LIN52: variants seen among roughly 807,000 people sequenced by gnomAD.
The protein encoded by LIN52 is lin-52 DREAM MuvB core complex component.
In LIN52, 4 loss-of-function variants were observed where a neutral mutation model predicts 18.5. That is an observed-to-expected ratio of 0.22 (90% CI 0.11 to 0.49). LIN52 has a LOEUF of 0.49. Among genes scored for constraint, LIN52 ranks in the 20% least tolerant of loss-of-function variants. LIN52 has a pLI of 0.97. For synonymous variants in LIN52, 34 were observed against 45.5 expected (o/e 0.75, Z 1.02); for missense variants, 102 against 139.5 (o/e 0.73, Z 1.35).
chr14:74,200,428 A>G lies in LIN52; in HGVS notation c.*1451A>G, dbSNP rs79316673. 1 of 48,562 alleles carries G rather than the reference A, an allele frequency of 2.1e-5. No homozygotes were observed. The highest frequency in any genetic ancestry group is 5.4e-5 in the African/African-American group (1 of 18,510). The allele number at this position is 48,562 out of a possible 1,614,324, so 3.0% of individuals were successfully genotyped here. The stretch of plus-strand genomic sequence containing the variant: ...ACTCTGTCTCAGAAAAAAAAAAAAA[A>G]AAAAAAAAAAAAAAAGAATATCCCT... On this transcript the variant is annotated 3_prime_UTR_variant, in exon 6 of 6. Coordinates refer to ENST00000555028, the MANE Select transcript of LIN52 (RefSeq NM_001024674.3).
At chr14:74,134,523 A>T (rs1377037577) in intron 5 of LIN52, among the ~76,000 whole-genome samples, 1 of 152,198 alleles carries the variant, frequency 6.6e-6, no homozygotes, top group Non-Finnish European at 1.5e-5. Flanking sequence ...ACTTGAATTG[A>T]TATGGTAGAT....
At chr14:74,088,971 C>T (rs1330156496) in intron 1 of LIN52, among the ~76,000 whole-genome samples, 1 of 152,106 alleles carries the variant, frequency 6.6e-6, no homozygotes, top group Non-Finnish European at 1.5e-5. Flanking sequence ...TACACATTCA[C>T]AGATTTAGCT....
At chr14:74,090,562 C>T (rs1246679342) in intron 1 of LIN52, among the ~76,000 whole-genome samples, 2 of 150,930 alleles carry the variant, frequency 1.3e-5, no homozygotes, top group Non-Finnish European at 2.9e-5. Flanking sequence ...GTCTCAAACT[C>T]CTGACCTTGT....
intron 5 of LIN52, among the ~76,000 whole-genome samples, chr14:74,164,220 A>G (rs2061238883): frequency 6.6e-6 from 1 of 151,426 alleles, no homozygotes; most frequent in Non-Finnish European, 1.5e-5. Context: ...TGACCTCGTG[A>G]TCCGCCTGCC....
chr14:74,099,334 G>A (rs1209176015), intron 4 of LIN52, among the ~76,000 whole-genome samples: 1 of 152,038 alleles, frequency 6.6e-6, no homozygotes, highest in African/African-American at 2.4e-5. Flanking sequence ...TTTATGAAAT[G>A]CTTAAATGCA....
At chr14:74,130,276 TG>T (rs1566856466) in intron 5 of LIN52, among the ~76,000 whole-genome samples, 1 of 90,396 alleles carries the variant, frequency 1.1e-5, no homozygotes, top group Non-Finnish European at 2.1e-5. Context: ...AGGCATTTTT[TG>T]GTTTTTTTTT....
At chr14:74,181,866 C>A (rs965898768) in intron 5 of LIN52, among the ~76,000 whole-genome samples, 3 of 152,140 alleles carry the variant, frequency 2.0e-5, no homozygotes, top group African/African-American at 7.2e-5. Context: ...CAAGTTCTTA[C>A]CTGATTGTGA....
At chr14:74,095,323 C>T (rs539091527) in intron 2 of LIN52, among the ~76,000 whole-genome samples, 4 of 151,578 alleles carry the variant, frequency 2.6e-5, no homozygotes, top group East Asian at 3.9e-4. Flanking sequence ...TTTGTAGAGA[C>T]GGGGTTTCAC....
chr14:74,155,464 A>G (rs2061195513), intron 5 of LIN52, among the ~76,000 whole-genome samples: 1 of 152,224 alleles, frequency 6.6e-6, no homozygotes, highest in Non-Finnish European at 1.5e-5. Context: ...GTGAAGTATC[A>G]ATAAGGAGGT....
chr14:74,093,891 C>T (rs899417207), intron 2 of LIN52, among the ~76,000 whole-genome samples: 6 of 151,592 alleles, frequency 4.0e-5, no homozygotes, highest in South Asian at 4.2e-4. Flanking sequence ...CGCTTGAACC[C>T]GGGAGGCAGA....
intron 5 of LIN52, among the ~76,000 whole-genome samples, chr14:74,140,517 GT>G (rs1193808956): frequency 6.6e-6 from 1 of 152,198 alleles, no homozygotes; most frequent in Non-Finnish European, 1.5e-5. Context: ...ATTGCCATTA[GT>G]TTATGTTAGA....
At chr14:74,143,528 T>C (rs2061141339) in intron 5 of LIN52, among the ~76,000 whole-genome samples, 1 of 152,140 alleles carries the variant, frequency 6.6e-6, no homozygotes, top group Non-Finnish European at 1.5e-5. Context: ...CACTCCAGCC[T>C]GGGCAACAGA....
In LIN52 at chr14:74,124,165, C is replaced by T. The variant is rs774081240; in HGVS notation, c.283+22927C>T. Among the ~76,000 whole-genome samples, 137 of 151,434 alleles carry T rather than the reference C, an allele frequency of 9.0e-4. 1 individual carries two copies. Among genetic ancestry groups the T allele is most frequent in the Middle Eastern group, 3.5e-3 (1 of 288 alleles). Reference sequence around the variant, plus strand: ...AAGAATTGAGCTAGGTTCCTGGAAACAAAATAAATAGACTAACCAAATTCT... The same window carrying T: ...AAGAATTGAGCTAGGTTCCTGGAAATAAAATAAATAGACTAACCAAATTCT... On this transcript the variant is annotated intron_variant, in intron 5 of 5. Transcript: ENST00000555028.
intron 2 of LIN52, among the ~76,000 whole-genome samples, chr14:74,092,041 G>A (rs2060775390): frequency 1.3e-5 from 2 of 151,320 alleles, no homozygotes; most frequent in African/African-American, 4.9e-5. Flanking sequence ...TGGTGCACTC[G>A]GGTCACTGCA....
chr14:74,128,954 A>T (rs2061044916), intron 5 of LIN52, among the ~76,000 whole-genome samples: 1 of 152,204 alleles, frequency 6.6e-6, no homozygotes, highest in Non-Finnish European at 1.5e-5. Flanking sequence ...AAAACAAAAC[A>T]AAACAAAACA....
chr14:74,162,903 G>C (rs1312616063), intron 5 of LIN52, among the ~76,000 whole-genome samples: 3 of 152,052 alleles, frequency 2.0e-5, no homozygotes, highest in African/African-American at 7.2e-5. Flanking sequence ...CCCTTGTAGT[G>C]AACTCAGGGA....
At chr14:74,181,901 G>A (rs778077897) in intron 5 of LIN52, among the ~76,000 whole-genome samples, 110 of 152,288 alleles carry the variant, frequency 7.2e-4, no homozygotes, top group Middle Eastern at 6.8e-3. Context: ...AAATTCATAA[G>A]CAAATGAAGA....
In LIN52 at chr14:74,199,093, G is replaced by A. The variant is rs2078932083; in HGVS notation, c.*116G>A. 4.2e-6 allele frequency: 3 copies of A among 714,856 alleles called. No homozygotes were observed. Among genetic ancestry groups the A allele is most frequent in the East Asian group, 2.5e-5 (1 of 39,436 alleles). The allele number at this position is 714,856 out of a possible 1,614,324, so 44.3% of individuals were successfully genotyped here. ...GAGAGGCCAGAGGGTGTACCTCCAG[G>A]ACTGCCCTCTCCCCTGCTCCTGGCA... On this transcript the variant is annotated 3_prime_UTR_variant, in exon 6 of 6. Transcript: ENST00000555028.
At chr14:74,122,858 ACT>A (rs1326479070) in intron 5 of LIN52, among the ~76,000 whole-genome samples, 2 of 151,466 alleles carry the variant, frequency 1.3e-5, no homozygotes, top group Admixed American at 6.6e-5. Context: ...ACAGAGTGAG[ACT>A]CTGTCTCAAA....
Sources: gnomAD v4.1 joint callset for allele counts (sites outside exome capture counted in the v4.1 genomes callset) on GRCh38, gnomAD v4.1.1 for gene constraint, MANE v1.5 for transcripts, NCBI Gene and HGNC (gene_info 2026-07-23, HGNC 2026-07-21) for gene names.